The following DET1 variants were observed in gnomAD, a reference collection of about 807,000 sequenced individuals.
DET1 encodes DET1 partner of COP1 E3 ubiquitin ligase.
A neutral mutation model predicts 43.7 loss-of-function variants in DET1; 22 were observed. The ratio of observed to expected loss-of-function variants is 0.50; its 90% CI spans 0.36 to 0.72. The LOEUF (loss-of-function observed/expected upper bound fraction) is 0.72. Ranked by LOEUF, DET1 falls within the 30% of genes least tolerant of loss-of-function variation. DET1 has a pLI of 0.00. For missense variants in DET1, 713 were observed against 713.3 expected (o/e 1.00, Z 0.00); for synonymous variants, 315 against 266.2 (o/e 1.18, Z -1.79).
chr15:88,521,238 T>C (rs1243432488), intron 3 of DET1, among the ~76,000 whole-genome samples: 2 of 152,186 alleles, frequency 1.3e-5, no homozygotes, highest in Admixed American at 6.5e-5. Flanking sequence ...CTGGGTATAT[T>C]CTTCTTCCTG....
chr15:88,529,915 T>C (rs979473686), intron 2 of DET1, among the ~76,000 whole-genome samples: 14 of 152,234 alleles, frequency 9.2e-5, no homozygotes, highest in Admixed American at 3.9e-4. Flanking sequence ...TATTCCCTTT[T>C]GGGAAATGCT....
chr15:88,539,272 C>T (rs2057033888), intron 1 of DET1, among the ~76,000 whole-genome samples: 1 of 151,966 alleles, frequency 6.6e-6, no homozygotes, highest in African/African-American at 2.4e-5. Context: ...AGTGGGCCCT[C>T]ACCTGCAGTT....
chr15:88,516,339 C>G lies in DET1; in HGVS notation c.1463+443G>C, dbSNP rs1226249392. Among the ~76,000 whole-genome samples the G allele has an allele frequency of 6.6e-6, 1 of 152,232 alleles. No homozygotes were observed. Among genetic ancestry groups the G allele is most frequent in the Admixed American group, 6.5e-5 (1 of 15,286 alleles). On this transcript the variant is annotated intron_variant, in intron 4 of 4. Transcript: ENST00000268148. The surrounding 1 kb of genome is among the most constrained non-coding windows in gnomAD (Gnocchi z 4.4). The stretch of plus-strand genomic sequence containing the variant: ...CAGTAGTCTACATTCCAAAATTCCT[C>G]CAAGTGAGGAAGCATGAGTTTCTTC...
chr15:88,513,217 A>T, intron 4 of DET1, 77 bp from the exon 5 acceptor site: 1 of 1,423,080 alleles, frequency 7.0e-7, no homozygotes, highest in Non-Finnish European at 9.4e-7. Context: ...TCTAGACAGC[A>T]GGGGAATGTG....
chr15:88,514,991 A>C (rs1270475606), intron 4 of DET1, among the ~76,000 whole-genome samples: 3 of 152,160 alleles, frequency 2.0e-5, no homozygotes, highest in African/African-American at 4.8e-5. Flanking sequence ...CATCTTTTTT[A>C]TGTATAAAAA....
intron 1 of DET1, among the ~76,000 whole-genome samples, chr15:88,542,991 G>A (rs191826619): frequency 9.2e-5 from 14 of 152,332 alleles, no homozygotes; most frequent in African/African-American, 2.9e-4. Flanking sequence ...GGATATTGGG[G>A]TTTGCGGAGA....
chr15:88,540,188 T>C (rs1168915620), intron 1 of DET1, among the ~76,000 whole-genome samples: 1 of 152,012 alleles, frequency 6.6e-6, no homozygotes, highest in Non-Finnish European at 1.5e-5. Flanking sequence ...TGCCTTTGAG[T>C]CATGGAGACA....
chr15:88,518,481 T>C (rs947825673), intron 3 of DET1, among the ~76,000 whole-genome samples: 2 of 152,202 alleles, frequency 1.3e-5, no homozygotes, highest in African/African-American at 2.4e-5. Context: ...CTATATAATA[T>C]GGCTAAAAAC....
chr15:88,502,286 C>T (rs1035633544), intron 8 of DET1: 4 of 152,180 alleles, frequency 2.6e-5, no homozygotes, highest in Admixed American at 6.5e-5. Flanking sequence ...TTTTTCATTC[C>T]GGTTCAGAAT....
At chr15:88,529,756 G>A (rs558941557) in intron 2 of DET1, among the ~76,000 whole-genome samples, 2 of 152,336 alleles carry the variant, frequency 1.3e-5, no homozygotes, top group South Asian at 2.1e-4. Context: ...ACAGGAGAAT[G>A]GGGAGACATA....
intron 7 of DET1, chr15:88,505,708 T>G (rs1055580014): frequency 6.6e-6 from 1 of 152,228 alleles, no homozygotes; most frequent in Non-Finnish European, 1.5e-5. Flanking sequence ...CACTCCAGTT[T>G]CAAAAACTGC....
intron 3 of DET1, among the ~76,000 whole-genome samples, chr15:88,525,224 T>A (rs1048469731): frequency 1.3e-5 from 2 of 152,184 alleles, no homozygotes; most frequent in African/African-American, 4.8e-5. Context: ...TAAGTATCAA[T>A]GTTTAATATC....
intron 1 of DET1, among the ~76,000 whole-genome samples, chr15:88,541,790 G>A (rs546437730): frequency 2.0e-5 from 3 of 152,304 alleles, no homozygotes; most frequent in Admixed American, 1.3e-4. Context: ...AAGTCCTCCT[G>A]AACCAGGCCG....
chr15:88,520,852 TA>T (rs2056470357), intron 3 of DET1, among the ~76,000 whole-genome samples: 1 of 152,238 alleles, frequency 6.6e-6, no homozygotes, highest in Non-Finnish European at 1.5e-5. Flanking sequence ...ACTTAAATCC[TA>T]GTGGCAGGAA....
rs1308211160 is a variant in DET1, at chr15:88,530,995, C to T, written c.711G>A (p.Gln237=). ...GAGTCACCTGGAAGACATGGATGGT[C>T]TGTTGTTGCACAGACAAGATGGCCA... ...NILAILSVQQ[Q]TIHVFQVTPE... The change falls in exon 2 of 5, where the codon CAG becomes CAA. Residue 237 remains glutamine (Q), a synonymous_variant. Coordinates refer to ENST00000268148, the MANE Select transcript of DET1 (RefSeq NM_001144074.3). 6 of 1,613,684 alleles carry T rather than the reference C, an allele frequency of 3.7e-6. No homozygotes were observed. The Admixed American group carries it at 1.0e-4, about 27-fold the overall frequency.
At chr15:88,512,318 T>G, downstream of DET1, 1 of 984,410 alleles carries the variant, frequency 1.0e-6, no homozygotes, top group Non-Finnish European at 1.2e-6. Flanking sequence ...GAAACAATCC[T>G]GGCAGATAAC....
chr15:88,520,928 C>T (rs1002445011), intron 3 of DET1, among the ~76,000 whole-genome samples: 4 of 152,172 alleles, frequency 2.6e-5, no homozygotes, highest in African/African-American at 9.7e-5. Context: ...ATCCCTGCTG[C>T]CACCCTACCT....
chr15:88,530,686 G>C lies in DET1; in HGVS notation c.1020C>G (p.Asn340Lys). Residue 340 changes from asparagine (N) to lysine (K), a missense_variant, in exon 2 of 5, where the codon AAC becomes AAG. Transcript: ENST00000268148. ...CACTAGTGTACTTGATAAACAGGTG[G>C]TTTTCATCCAGAAGCTGCATTTTCC... is the stretch of plus-strand genomic sequence containing the variant. Reference protein sequence around the residue: ...RMWKMQLLDENHLFIKYTSED... With the variant: ...RMWKMQLLDEKHLFIKYTSED... 2 of 1,613,988 alleles carry C rather than the reference G, an allele frequency of 1.2e-6. No individual in the cohort carries two copies. Among genetic ancestry groups the C allele is most frequent in the Non-Finnish European group, 1.7e-6 (2 of 1,179,884 alleles).
chr15:88,517,089 C>T (rs575881259), intron 3 of DET1, 116 bp from the exon 4 acceptor site: 6 of 752,652 alleles, frequency 8.0e-6, no homozygotes, highest in African/African-American at 1.8e-5. Context: ...CAAATTAAAA[C>T]CTAGGTAATG....
Sources: gnomAD v4.1 joint callset for allele counts (sites outside exome capture counted in the v4.1 genomes callset) on GRCh38, gnomAD v4.1.1 for gene constraint, Gnocchi (gnomAD v3.1) non-coding constraint, MANE v1.5 for transcripts, NCBI Gene and HGNC (gene_info 2026-07-23, HGNC 2026-07-21) for gene names.